CENPO: variants seen among roughly 807,000 people sequenced by gnomAD.
CENPO encodes centromeric protein O.
Under a neutral mutation model 36.1 loss-of-function variants are expected in CENPO, and 30 were observed. The observed-to-expected ratio is 0.83, with a 90% CI of 0.62 to 1.13. The LOEUF is 1.13. Ranked by LOEUF, CENPO falls within the 50% of genes most tolerant of loss-of-function variation. CENPO has a pLI of 0.00. For synonymous variants in CENPO, 171 were observed against 142.3 expected (o/e 1.20, Z -1.44); for missense variants, 349 against 357.8 (o/e 0.98, Z 0.20).
chr2:24,800,836 A>G (rs1666128195), intron 3 of CENPO, among the ~76,000 whole-genome samples: 1 of 152,194 alleles, frequency 6.6e-6, no homozygotes, highest in African/African-American at 2.4e-5. Context: ...CTTTGGATAT[A>G]TACCCAGTAA....
intron 4 of CENPO, 183 bp downstream of exon 4, chr2:24,814,676 A>G (rs1207525351): frequency 5.0e-5 from 29 of 575,186 alleles, no homozygotes; most frequent in South Asian, 3.7e-4. Context: ...TTGTAGGCCT[A>G]TCTTCACCTA....
chr2:24,820,228 C>A lies in CENPO; in HGVS notation c.*910C>A. 1 of 1,201,076 alleles carries A rather than the reference C, an allele frequency of 8.3e-7. No individual in the cohort carries two copies. The highest frequency in any genetic ancestry group is 1.7e-5 in the South Asian group (1 of 58,854). 74.4% of individuals were successfully genotyped at this position (1,201,076 alleles called of 1,614,324 possible). ...ACTGATCCATGGGTCCCAAGCAGTA[C>A]GGGACACTCCCCAAACCTCCCAGGG... On this transcript the variant is annotated 3_prime_UTR_variant, in exon 8 of 8. Coordinates refer to ENST00000380834, the MANE Select transcript of CENPO (RefSeq NM_001322101.2).
At chr2:24,816,922 C>T (rs192586806) in intron 6 of CENPO, 105 bp downstream of exon 6, 7 of 1,090,356 alleles carry the variant, frequency 6.4e-6, no homozygotes, top group South Asian at 4.8e-5. Context: ...GACACTTTCT[C>T]TGTTTATATA....
chr2:24,816,920 C>G, intron 6 of CENPO, 103 bp downstream of exon 6: 14 of 1,137,184 alleles, frequency 1.2e-5, no homozygotes, highest in Non-Finnish European at 1.7e-5. Context: ...GAGACACTTT[C>G]TCTGTTTATA....
chr2:24,815,853 TAG>T lies in CENPO; in HGVS notation c.594+99_594+100del, dbSNP rs1375794760. On this transcript the variant is annotated intron_variant, in intron 5 of 7. Transcript: ENST00000380834. ...TTTTCAGTGTTTCCTAACTGTGAGT[TAG>T]AAGTTTGACCGTTACCTTTCCGATG... The T allele has an allele frequency of 5.4e-5, 63 of 1,177,208 alleles. No homozygotes were observed. In the East Asian group the frequency reaches 1.4e-3, roughly 27 times the overall value. The allele number at this position is 1,177,208 out of a possible 1,614,324, so 72.9% of individuals were successfully genotyped here. A position where few individuals can be genotyped will look rare whatever the true frequency, so the allele number is the denominator to read the frequency against.
At position 24,820,238 on chromosome 2, in the gene CENPO, C is replaced by G; in HGVS notation, c.*920C>G. On this transcript the variant is annotated 3_prime_UTR_variant, in exon 8 of 8. Coordinates refer to ENST00000380834, the MANE Select transcript of CENPO (RefSeq NM_001322101.2). Reference sequence around the variant, plus strand: ...GGGTCCCAAGCAGTACGGGACACTCCCCAAACCTCCCAGGGCCAAGCCCTT... The same window carrying G: ...GGGTCCCAAGCAGTACGGGACACTCGCCAAACCTCCCAGGGCCAAGCCCTT... 1 of 1,196,972 alleles carries G rather than the reference C, an allele frequency of 8.4e-7. No individual in the cohort carries two copies. The highest frequency in any genetic ancestry group is 1.1e-6 in the Non-Finnish European group (1 of 900,038). 74.1% of individuals were successfully genotyped at this position (1,196,972 alleles called of 1,614,324 possible). A position where few individuals can be genotyped will look rare whatever the true frequency, so the allele number is the denominator to read the frequency against.
In CENPO at chr2:24,821,399, G is replaced by A; in HGVS notation, c.*2081G>A. The A allele has an allele frequency of 6.9e-7, 1 of 1,447,934 alleles. No homozygotes were observed. Among genetic ancestry groups the A allele is most frequent in the Non-Finnish European group, 9.3e-7 (1 of 1,070,606 alleles). The allele number at this position is 1,447,934 out of a possible 1,614,324, so 89.7% of individuals were successfully genotyped here. On this transcript the variant is annotated 3_prime_UTR_variant, in exon 8 of 8. Coordinates refer to ENST00000380834, the MANE Select transcript of CENPO (RefSeq NM_001322101.2). ...AGGTCTCCTTGCCCTGTGAGTGCGT[G>A]AACCTCCCCACCCGAATTGCCTCAG... is the stretch of plus-strand genomic sequence containing the variant.
chr2:24,820,079 G>A lies in CENPO; in HGVS notation c.*761G>A, dbSNP rs762117912. On this transcript the variant is annotated 3_prime_UTR_variant, in exon 8 of 8. Transcript: ENST00000380834. Reference sequence around the variant, plus strand: ...GGCCTCGCCTCACAAAGCGGAAGCCGTACTCTCGGAGGATGACTTGGGTTT... The same window carrying A: ...GGCCTCGCCTCACAAAGCGGAAGCCATACTCTCGGAGGATGACTTGGGTTT... 10 of 1,563,494 alleles carry A rather than the reference G, an allele frequency of 6.4e-6. No homozygotes were observed. The East Asian group carries it at 9.4e-5, about 15-fold the overall frequency.
At chr2:24,809,466 A>G (rs545066257) in intron 3 of CENPO, among the ~76,000 whole-genome samples, 57 of 152,250 alleles carry the variant, frequency 3.7e-4, no homozygotes, top group African/African-American at 1.4e-3. Flanking sequence ...ATTTAAAGTT[A>G]AAAATTTTCC....
rs1403867281 is a variant in CENPO, at chr2:24,819,526, G to A, written c.*208G>A. On this transcript the variant is annotated 3_prime_UTR_variant, in exon 8 of 8. Coordinates refer to ENST00000380834, the MANE Select transcript of CENPO (RefSeq NM_001322101.2). ...GACCTCCCTTCAAAATGGGAGCCAT[G>A]TCCTGCCCCACCAAGCCCTGTCTGA... The A allele has an allele frequency of 1.3e-5, 2 of 159,204 alleles. No individual in the cohort carries two copies. The highest frequency in any genetic ancestry group is 6.3e-5 in the Admixed American group (1 of 15,964). The allele number at this position is 159,204 out of a possible 1,614,324, so 9.9% of individuals were successfully genotyped here. A position where few individuals can be genotyped will look rare whatever the true frequency, so the allele number is the denominator to read the frequency against.
chr2:24,816,153 G>A (rs1199810822), intron 5 of CENPO: 3 of 204,072 alleles, frequency 1.5e-5, no homozygotes, highest in Non-Finnish European at 3.0e-5. Context: ...ATGGAACAAT[G>A]CTGTCCATCT....
At chr2:24,816,443 C>T in intron 5 of CENPO, 2 of 551,010 alleles carry the variant, frequency 3.6e-6, no homozygotes, top group South Asian at 5.6e-5. Flanking sequence ...GGCCTATAGG[C>T]CTTTCCAGGC....
intron 3 of CENPO, among the ~76,000 whole-genome samples, chr2:24,809,297 T>C (rs1666571047): frequency 1.3e-5 from 2 of 152,224 alleles, no homozygotes; most frequent in South Asian, 2.1e-4. Context: ...GAACCAACTT[T>C]TGGCTTTGCT....
At chr2:24,805,982 C>T (rs1157524675) in intron 3 of CENPO, among the ~76,000 whole-genome samples, 3 of 152,232 alleles carry the variant, frequency 2.0e-5, no homozygotes, top group African/African-American at 7.2e-5. Flanking sequence ...CCAGTTCGAG[C>T]TTCCAGGCTG....
At chr2:24,818,580 AT>A (rs765082090) in intron 7 of CENPO, among the ~76,000 whole-genome samples, 1 of 152,146 alleles carries the variant, frequency 6.6e-6, no homozygotes, top group Non-Finnish European at 1.5e-5. Flanking sequence ...TGTGTCTCAT[AT>A]TTTGTTTCCT....
chr2:24,797,282 A>T (rs904721752), intron 2 of CENPO, among the ~76,000 whole-genome samples: 1 of 152,192 alleles, frequency 6.6e-6, no homozygotes, highest in South Asian at 2.1e-4. Context: ...GGTTCCAGTC[A>T]TGGAGGGGTT....
At chr2:24,812,252 A>G (rs968593610) in intron 3 of CENPO, among the ~76,000 whole-genome samples, 1 of 152,188 alleles carries the variant, frequency 6.6e-6, no homozygotes, top group Non-Finnish European at 1.5e-5. Flanking sequence ...TTCTAGGGCC[A>G]TAGTATCTTG....
In CENPO at chr2:24,820,290, A is replaced by C; in HGVS notation, c.*972A>C. ...CACCCGTGGCGAGCAGCGGGTGGGAAGGAGAACCCTGGAGTGACTGGCTGG... is the reference window on the plus strand; with the variant it reads ...CACCCGTGGCGAGCAGCGGGTGGGACGGAGAACCCTGGAGTGACTGGCTGG... On this transcript the variant is annotated 3_prime_UTR_variant, in exon 8 of 8. Transcript: ENST00000380834. 7.0e-6 allele frequency: 9 copies of C among 1,283,518 alleles called. No individual in the cohort carries two copies. Among genetic ancestry groups the C allele is most frequent in the Non-Finnish European group, 9.1e-6 (9 of 991,842 alleles). 79.5% of individuals were successfully genotyped at this position (1,283,518 alleles called of 1,614,324 possible).
intron 3 of CENPO, among the ~76,000 whole-genome samples, chr2:24,808,239 C>CA (rs1305259008): frequency 6.6e-6 from 1 of 151,716 alleles, no homozygotes; most frequent in Non-Finnish European, 1.5e-5. Flanking sequence ...GTTTTTGAGA[C>CA]AGAGTCTCAC....
Sources: allele counts gnomAD v4.1 joint callset (sites outside exome capture counted in the v4.1 genomes callset), GRCh38; gene constraint gnomAD v4.1.1; transcripts MANE v1.5; gene names NCBI Gene and HGNC (gene_info 2026-07-23, HGNC 2026-07-21).